Variants in AASS observed in about 807,000 individuals in gnomAD.
AASS encodes the protein aminoadipate-semialdehyde synthase, also known as alpha-aminoadipic semialdehyde synthase, mitochondrial.
In AASS, 86 loss-of-function variants were observed where a neutral mutation model predicts 105.4. The observed-to-expected ratio is 0.82, with a 90% CI of 0.69 to 0.98. The LOEUF (loss-of-function observed/expected upper bound fraction) is 0.98, where lower values mean the gene tolerates loss of function less well. Among genes scored for constraint, AASS ranks in the 50% least tolerant of loss-of-function variants. The pLI is 0.00. For missense variants in AASS, 1,048 were observed against 1,143.2 expected (o/e 0.92, Z 1.20); for synonymous variants, 381 against 394.8 (o/e 0.96, Z 0.41).
chr7:122,135,567 T>C (rs955688925), intron 1 of AASS, among the ~76,000 whole-genome samples: 1 of 152,146 alleles, frequency 6.6e-6, no homozygotes, highest in Non-Finnish European at 1.5e-5. Context: ...ACTAAAGGCT[T>C]ACTATGATGA....
intron 1 of AASS, among the ~76,000 whole-genome samples, chr7:122,142,207 T>C (rs1462743621): frequency 6.6e-6 from 1 of 152,170 alleles, no homozygotes; most frequent in East Asian, 1.9e-4. Context: ...TATTAACCTC[T>C]ACCTCTTAGG....
At chr7:122,128,032 C>G (rs924408270) in intron 3 of AASS, among the ~76,000 whole-genome samples, 2 of 152,166 alleles carry the variant, frequency 1.3e-5, no homozygotes, top group African/African-American at 4.8e-5. Flanking sequence ...ATGACAATTG[C>G]TTCAAGTAGC....
chr7:122,099,048 CTTTAA>C (rs1328773270), intron 13 of AASS, among the ~76,000 whole-genome samples, 182 bp from the exon 14 acceptor site: 2 of 151,692 alleles, frequency 1.3e-5, no homozygotes, highest in African/African-American at 4.8e-5. Context: ...CAACATGTTT[CTTTAA>C]TTATTTTACA....
chr7:122,129,564 T>A (rs1324333506), intron 2 of AASS, 27 bp from the exon 3 acceptor site: 1 of 1,606,104 alleles, frequency 6.2e-7, no homozygotes, highest in East Asian at 2.2e-5. Context: ...GATTAAAGGT[T>A]ATTATCCTGA....
chr7:122,101,335 A>G (rs1794422031), intron 13 of AASS, 36 bp downstream of exon 13: 1 of 1,491,412 alleles, frequency 6.7e-7, no homozygotes. Context: ...AGATAAGAAT[A>G]AATGTATAAA....
At chr7:122,142,778 G>GA (rs1796462484) in intron 1 of AASS, among the ~76,000 whole-genome samples, 1 of 151,914 alleles carries the variant, frequency 6.6e-6, no homozygotes, top group Non-Finnish European at 1.5e-5. Context: ...AAGAATATAT[G>GA]AAAAAAATGA....
Position 122,109,622 on chromosome 7 carries a change from T to G in AASS, c.1278+3496A>C, listed in dbSNP as rs117881863. Among the ~76,000 whole-genome samples the G allele has an allele frequency of 4.5e-3, 684 of 152,028 alleles. 3 individuals are homozygous for G. The highest frequency in any genetic ancestry group is 7.9e-3 in the Non-Finnish European group (535 of 67,928). On this transcript the variant is annotated intron_variant, in intron 11 of 23. Transcript: ENST00000417368. ...TTCAGAAGAATAAAACTAGACCCCC[T>G]ATTTCTCATCATATAAACAAATCAA...
Position 122,086,076 on chromosome 7 carries a change from T to A in AASS, c.2120A>T (p.Lys707Ile), listed in dbSNP as rs767412741. The A allele has an allele frequency of 1.9e-6, 3 of 1,613,680 alleles. No individual in the cohort carries two copies. The East Asian group carries it at 6.7e-5, about 36-fold the overall frequency. Reference protein sequence around the residue: ...LEGYPNRDSTKYAEIYGISSA... With the variant: ...LEGYPNRDSTIYAEIYGISSA... ...AGAAATGCCATAAATCTCAGCATAT[T>A]TCGTACTGTCTCTGTTAGGATAGCC... is the stretch of plus-strand genomic sequence containing the variant. The change falls in exon 19 of 24, where the codon AAA becomes ATA. Residue 707 changes from lysine to isoleucine, a missense_variant. Lys to Ile is a moderately radical substitution (Grantham distance 102). Coordinates refer to ENST00000417368, the MANE Select transcript of AASS (RefSeq NM_005763.4).
chr7:122,103,994 G>T (rs1429257884), intron 11 of AASS, among the ~76,000 whole-genome samples: 1 of 151,864 alleles, frequency 6.6e-6, no homozygotes, highest in Non-Finnish European at 1.5e-5. Flanking sequence ...TACAAATTTA[G>T]CACTAAAGGA....
intron 11 of AASS, among the ~76,000 whole-genome samples, chr7:122,111,517 G>A (rs138995792): frequency 6.6e-6 from 1 of 152,092 alleles, no homozygotes; most frequent in Non-Finnish European, 1.5e-5. Flanking sequence ...TAAACACCTT[G>A]GTAAATATAT....
At chr7:122,079,755 ATT>A (rs745379094) in intron 20 of AASS, 43 bp from the exon 21 acceptor site, 1 of 1,411,618 alleles carries the variant, frequency 7.1e-7, no homozygotes, top group Non-Finnish European at 1.0e-6. Flanking sequence ...TCCCTAACAA[ATT>A]TTTTTTTAAT....
chr7:122,098,987 C>A (rs990521136), intron 13 of AASS, 121 bp from the exon 14 acceptor site: 1 of 1,046,742 alleles, frequency 9.6e-7, no homozygotes, highest in Non-Finnish European at 1.3e-6. Context: ...GCAACATTTT[C>A]TCTTCACATT....
chr7:122,086,140 C>T lies in AASS; in HGVS notation c.2056G>A (p.Val686Ile), dbSNP rs117830956. ...CCTGGAAAAAAATCCATGGACGTAA[C>T]GGCATCAAGAAAGGAGATGCCTCCT... ...VAGGISFLDA[V>I]TSMDFFPGLN... The change falls in exon 19 of 24, where the codon GTT becomes ATT. Residue 686 changes from valine (V) to isoleucine (I), a missense_variant. By Grantham distance (29) the Val-to-Ile change is conservative. Transcript: ENST00000417368. The T allele has an allele frequency of 5.6e-5, 90 of 1,613,406 alleles. No homozygotes were observed. Among genetic ancestry groups the T allele is most frequent in the Non-Finnish European group, 7.2e-5 (85 of 1,179,744 alleles).
intron 15 of AASS, among the ~76,000 whole-genome samples, chr7:122,096,251 A>G (rs910285224): frequency 6.6e-6 from 1 of 152,166 alleles, no homozygotes; most frequent in African/African-American, 2.4e-5. Context: ...ATATTACTAA[A>G]CATTTTTTGT....
intron 1 of AASS, among the ~76,000 whole-genome samples, chr7:122,136,973 GC>G (rs1005733471): frequency 6.6e-6 from 1 of 152,170 alleles, no homozygotes; most frequent in African/African-American, 2.4e-5. Flanking sequence ...ACTTGCAAAG[GC>G]CAACTATCTT....
chr7:122,123,781 C>T (rs1584884549), intron 4 of AASS, among the ~76,000 whole-genome samples: 1 of 152,184 alleles, frequency 6.6e-6, no homozygotes, highest in Non-Finnish European at 1.5e-5. Flanking sequence ...CTTCTCACTC[C>T]TGGACTTCTA....
intron 6 of AASS, among the ~76,000 whole-genome samples, chr7:122,117,211 TAA>T (rs2150537681): frequency 6.6e-6 from 1 of 152,354 alleles, no homozygotes; most frequent in Admixed American, 6.5e-5. Context: ...AGAGTATCGA[TAA>T]GAGTGTTTAG....
At chr7:122,109,409 G>A (rs553143658) in intron 11 of AASS, among the ~76,000 whole-genome samples, 1 of 151,996 alleles carries the variant, frequency 6.6e-6, no homozygotes, top group Non-Finnish European at 1.5e-5. Flanking sequence ...ATACTACAAA[G>A]CTATAGTAAC....
chr7:122,131,536 A>G (rs1795917571), intron 2 of AASS, among the ~76,000 whole-genome samples: 1 of 151,936 alleles, frequency 6.6e-6, no homozygotes. Flanking sequence ...AAAGTTGTGC[A>G]ATGTTAAATT....
Sources: allele counts gnomAD v4.1 joint callset (sites outside exome capture counted in the v4.1 genomes callset), GRCh38; gene constraint gnomAD v4.1.1; transcripts MANE v1.5; gene names NCBI Gene and HGNC (gene_info 2026-07-23, HGNC 2026-07-21).